Variants in KIF7 observed in about 807,000 individuals in gnomAD.
The protein encoded by KIF7 is kinesin family member 7.
A neutral mutation model predicts 135.7 loss-of-function variants in KIF7; 104 were observed. That is an observed-to-expected ratio of 0.77 (90% CI 0.65 to 0.90). KIF7 has a LOEUF of 0.90. KIF7 is among the 40% of genes least tolerant of loss of function. The pLI is 0.00. For synonymous variants in KIF7, 883 were observed against 809.4 expected, an observed-to-expected ratio of 1.09 and a Z score of -1.54; for missense variants, 2,005 against 1,839.1, an observed-to-expected ratio of 1.09 and a Z score of -1.65.
At position 89,629,545 on chromosome 15, in the gene KIF7, T is replaced by A. The variant is rs1963625312; in HGVS notation, c.3347A>T (p.Gln1116Leu). The A allele has an allele frequency of 6.2e-7, 1 of 1,607,280 alleles. No individual in the cohort carries two copies. The highest frequency in any genetic ancestry group is 8.5e-7 in the Non-Finnish European group (1 of 1,178,496). ...KVVTLREEQHQQQIAFSELEM... is the reference protein window; with the variant it reads ...KVVTLREEQHLQQIAFSELEM... Reference sequence around the variant, plus strand: ...CAGTTCCGAGAAGGCAATCTGCTGCTGGTGCTGCTCCTCTCGGAGCGTCAC... The same window carrying A: ...CAGTTCCGAGAAGGCAATCTGCTGCAGGTGCTGCTCCTCTCGGAGCGTCAC... Residue 1116 changes from glutamine to leucine, a missense_variant, in exon 17 of 19, where the codon CAG (glutamine) becomes CTG (leucine). Coordinates refer to ENST00000394412, the MANE Select transcript of KIF7 (RefSeq NM_198525.3).
chr15:89,631,365 T>TAACA, intron 15 of KIF7, 130 bp downstream of exon 15: 1 of 812,432 alleles, frequency 1.2e-6, no homozygotes, highest in Non-Finnish European at 1.9e-6. Context: ...CACCTCCACC[T>TAACA]AACAGTGAAA....
chr15:89,632,453 T>A (rs552831579), intron 14 of KIF7, among the ~76,000 whole-genome samples: 1 of 152,286 alleles, frequency 6.6e-6, no homozygotes, highest in South Asian at 2.1e-4. Flanking sequence ...AGGAGGGGGT[T>A]AATGAGTGAA....
At chr15:89,647,242 TCA>T (rs2142025682) in intron 6 of KIF7, among the ~76,000 whole-genome samples, 185 bp from the exon 7 acceptor site, 1 of 151,952 alleles carries the variant, frequency 6.6e-6, no homozygotes, top group Admixed American at 6.6e-5. Context: ...ACAGATCCCA[TCA>T]CACTCCTATC....
Position 89,649,279 on chromosome 15 carries a change from T to C in KIF7, c.618A>G (p.Gly206=). The C allele has an allele frequency of 6.6e-7, 1 of 1,513,952 alleles. No individual in the cohort carries two copies. The highest frequency in any genetic ancestry group is 1.3e-5 in the South Asian group (1 of 79,670). 93.8% of individuals were successfully genotyped at this position (1,513,952 alleles called of 1,614,324 possible). The change falls in exon 4 of 19, where the codon GGA becomes GGG. Residue 206 remains glycine, a synonymous_variant. Coordinates refer to ENST00000394412, the MANE Select transcript of KIF7 (RefSeq NM_198525.3). ...LEMGNAARHT[G]ATHLNHLSSR... ...TAGACAGGTGGTTGAGGTGCGTGGC[T>C]CCCGTGTGCCGCGCCGCGTTGCCCA...
chr15:89,622,848 C>T (rs1249266199), intron 1 of KIF7, among the ~76,000 whole-genome samples: 5 of 152,340 alleles, frequency 3.3e-5, no homozygotes, highest in African/African-American at 1.2e-4. Flanking sequence ...CCCCTGCCGA[C>T]ACCCAAGCTT....
At chr15:89,647,114 T>C in intron 6 of KIF7, 57 bp from the exon 7 acceptor site, 1 of 1,464,260 alleles carries the variant, frequency 6.8e-7, no homozygotes, top group Non-Finnish European at 9.3e-7. Context: ...GGCAGGAGTG[T>C]AGGAAACTGA....
At chr15:89,655,342 C>G (rs1468651598) in intron 1 of KIF7, 57 bp downstream of exon 1, 1 of 152,148 alleles carries the variant, frequency 6.6e-6, no homozygotes, top group Non-Finnish European at 1.5e-5. Flanking sequence ...AGGGAGCGCG[C>G]GCCTCCCTCC....
At chr15:89,653,047 C>T in intron 1 of KIF7, 93 bp from the exon 2 acceptor site, 3 of 1,038,012 alleles carry the variant, frequency 2.9e-6, no homozygotes, top group Non-Finnish European at 4.1e-6. Flanking sequence ...CCTGCAGCTC[C>T]TGACCTTGGA....
At chr15:89,633,092 C>T (rs1963720702) in intron 13 of KIF7, 49 bp downstream of exon 13, 3 of 1,600,740 alleles carry the variant, frequency 1.9e-6, no homozygotes, top group Non-Finnish European at 2.5e-6. Flanking sequence ...GGTGCACCCA[C>T]CAGCCAGCCC....
chr15:89,625,650 GGAA>G (rs769444677), downstream of KIF7: 3 of 1,613,708 alleles, frequency 1.9e-6, no homozygotes, highest in Non-Finnish European at 2.5e-6. Context: ...TGTTGGCCAA[GGAA>G]GAAGCTGACC....
intron 11 of KIF7, among the ~76,000 whole-genome samples, chr15:89,637,531 A>T (rs1276117167): frequency 6.6e-6 from 1 of 152,194 alleles, no homozygotes; most frequent in East Asian, 1.9e-4. Context: ...ATCAGAGAAT[A>T]CTACAAACAC....
chr15:89,628,341 T>C lies in KIF7; in HGVS notation c.*78A>G, dbSNP rs866880457. ...TTAGGGTGTGCGGTAAGGACTGCCC[T>C]TCACAGAAGCAAAACAGGCAGCTGC... On this transcript the variant is annotated 3_prime_UTR_variant, in exon 19 of 19. Transcript: ENST00000394412. 28 of 1,527,498 alleles carry C rather than the reference T, an allele frequency of 1.8e-5. No homozygotes were observed. The highest frequency in any genetic ancestry group is 1.4e-4 in the African/African-American group (10 of 72,080). The allele number at this position is 1,527,498 out of a possible 1,614,324, so 94.6% of individuals were successfully genotyped here. A position where few individuals can be genotyped will look rare whatever the true frequency, so the allele number is the denominator to read the frequency against.
Position 89,631,499 on chromosome 15 carries a change from G to T in KIF7, c.3107C>A (p.Pro1036His). 1 of 1,572,414 alleles carries T rather than the reference G, an allele frequency of 6.4e-7. No individual in the cohort carries two copies. The highest frequency in any genetic ancestry group is 8.6e-7 in the Non-Finnish European group (1 of 1,158,878). Reference sequence around the variant, plus strand: ...AGCCATGGGGCCGCAGGGTACCTCGGGGGACAGCAGACTCCCCTGCCTCAG... The same window carrying T: ...AGCCATGGGGCCGCAGGGTACCTCGTGGGACAGCAGACTCCCCTGCCTCAG... ...GKLRQGSLLS[P>H]EEERTLFQLD... is the part of the protein sequence containing the mutation. The change falls in exon 15 of 19, where the codon CCC (proline) becomes CAC (histidine). Residue 1036 changes from proline to histidine, a missense_variant. Coordinates refer to ENST00000394412, the MANE Select transcript of KIF7 (RefSeq NM_198525.3).
Position 89,640,234 on chromosome 15 carries a change from T to C in KIF7, c.2394+1969A>G, listed in dbSNP as rs1186962930. Among the ~76,000 whole-genome samples, 6 of 152,124 alleles carry C rather than the reference T, an allele frequency of 3.9e-5. No individual in the cohort carries two copies. The South Asian group carries it at 1.0e-3, about 26-fold the overall frequency. Reference sequence around the variant, plus strand: ...GTGCAGCGCACCAGCATGGCACATGTATACATATGTAACTAACCTGCACAT... The same window carrying C: ...GTGCAGCGCACCAGCATGGCACATGCATACATATGTAACTAACCTGCACAT... On this transcript the variant is annotated intron_variant, in intron 11 of 18. Coordinates refer to ENST00000394412, the MANE Select transcript of KIF7 (RefSeq NM_198525.3).
At chr15:89,639,164 G>A (rs1042632806) in intron 11 of KIF7, among the ~76,000 whole-genome samples, 6 of 152,076 alleles carry the variant, frequency 3.9e-5, no homozygotes, top group Non-Finnish European at 7.3e-5. Context: ...AGACTTAAAT[G>A]TTAGACCTAA....
Position 89,649,160 on chromosome 15 carries a change from G to GAGAC in KIF7, c.733_736dup (p.Ser246CysfsTer218). 1 of 1,548,184 alleles carries GAGAC rather than the reference G, an allele frequency of 6.5e-7. No homozygotes were observed. The highest frequency in any genetic ancestry group is 8.7e-7 in the Non-Finnish European group (1 of 1,146,716). On this transcript the variant is annotated frameshift_variant, in exon 4 of 19. Coordinates refer to ENST00000394412, the MANE Select transcript of KIF7 (RefSeq NM_198525.3). LOFTEE classifies it high-confidence loss of function. ...CGCCAGGTCCACGAAGTGGAACTTG[G>GAGAC]AGACGAGCAGCTGGCCCGGGGCGGG... is the stretch of plus-strand genomic sequence containing the variant.
At chr15:89,635,471 G>A (rs1210705088) in intron 11 of KIF7, among the ~76,000 whole-genome samples, 13 of 152,146 alleles carry the variant, frequency 8.5e-5, no homozygotes, top group Non-Finnish European at 1.6e-4. Context: ...CCAATACAGA[G>A]GAGTGCTTAA....
downstream of KIF7, chr15:89,624,230 C>T (rs144056774): frequency 5.0e-5 from 80 of 1,614,202 alleles, no homozygotes; most frequent in African/African-American, 8.7e-4. Context: ...CCACCTGTTA[C>T]GCCAAAGAAA....
At chr15:89,628,915 T>C in intron 18 of KIF7, 61 bp downstream of exon 18, 1 of 1,612,560 alleles carries the variant, frequency 6.2e-7, no homozygotes, top group South Asian at 1.1e-5. Context: ...GGGAGAGTGG[T>C]CTCTAAGCTT....
Sources: gnomAD v4.1 joint callset for allele counts (sites outside exome capture counted in the v4.1 genomes callset) on GRCh38, gnomAD v4.1.1 for gene constraint, MANE v1.5 for transcripts, NCBI Gene and HGNC (gene_info 2026-07-23, HGNC 2026-07-21) for gene names.